GPR78: variants seen among roughly 807,000 people sequenced by gnomAD.
GPR78 encodes the protein G protein-coupled receptor 78.
In GPR78, 29 loss-of-function variants were observed where a neutral mutation model predicts 17.9. That is an observed-to-expected ratio of 1.62 (90% CI 1.20 to 2.21). The LOEUF (loss-of-function observed/expected upper bound fraction) is 2.21, where lower values mean the gene tolerates loss of function less well. Among genes scored for constraint, GPR78 ranks in the 30% most tolerant of loss-of-function variants. GPR78 has a pLI of 0.00. For missense variants in GPR78, 649 were observed against 530.5 expected, an observed-to-expected ratio of 1.22 and a Z score of -2.19; for synonymous variants, 349 against 256.9, an observed-to-expected ratio of 1.36 and a Z score of -3.43.
intron 2 of GPR78, 27 bp downstream of exon 2, chr4:8,582,671 T>C (rs1265991487): frequency 6.8e-7 from 1 of 1,465,354 alleles, no homozygotes; most frequent in Non-Finnish European, 9.6e-7. Context: ...CGGCTCCTGT[T>C]GTGGGAACAG....
rs1265537777 is a variant in GPR78, at chr4:8,587,089, C to A, written c.818C>A (p.Ala273Asp). 1.2e-6 allele frequency: 2 copies of A among 1,613,100 alleles called. No homozygotes were observed. The highest frequency in any genetic ancestry group is 3.3e-5 in the Admixed American group (2 of 60,020). Residue 273 changes from alanine (A) to aspartate (D), a missense_variant, in exon 3 of 3, where the codon GCC becomes GAC. Ala to Asp is a moderately radical substitution (Grantham distance 126). Transcript: ENST00000382487. ...CTCGTGCCCTTCGTCACCGTGAACG[C>A]CCAGTGGGGCATCCTCAGCAAGTGC... ...AELVPFVTVNAQWGILSKCLT... is the reference protein window; with the variant it reads ...AELVPFVTVNDQWGILSKCLT...
At chr4:8,583,259 T>G (rs1180670237) in intron 2 of GPR78, among the ~76,000 whole-genome samples, 2 of 152,206 alleles carry the variant, frequency 1.3e-5, no homozygotes, top group East Asian at 1.9e-4. Flanking sequence ...ACTTGGTTAC[T>G]ACCTTAGCTC....
Position 8,580,846 on chromosome 4 carries a change from TG to T in GPR78, c.-135del. On this transcript the variant is annotated 5_prime_UTR_variant, in exon 1 of 3. Transcript: ENST00000382487. Reference sequence around the variant, plus strand: ...TGCCGCCGCTTTCCTCGCGCTGCTCTGGACCTTGCTAGCCGGCTCTGCACCT... The same window carrying T: ...TGCCGCCGCTTTCCTCGCGCTGCTCTGACCTTGCTAGCCGGCTCTGCACCT... 2.4e-6 allele frequency: 2 copies of T among 849,522 alleles called. No homozygotes were observed. The highest frequency in any genetic ancestry group is 3.5e-6 in the Non-Finnish European group (2 of 567,502). The allele number at this position is 849,522 out of a possible 1,614,324, so 52.6% of individuals were successfully genotyped here.
At chr4:8,583,492 G>A (rs957005180) in intron 2 of GPR78, among the ~76,000 whole-genome samples, 3 of 152,138 alleles carry the variant, frequency 2.0e-5, no homozygotes, top group Non-Finnish European at 2.9e-5. Context: ...GACGCTCCTG[G>A]GAGGGGTCCA....
rs768492391 is a variant in GPR78, at chr4:8,581,571, C to T, written c.589C>T (p.Arg197Trp). Reference protein sequence around the residue: ...VLCLTSLQVHRVARRHCQRMD... With the variant: ...VLCLTSLQVHWVARRHCQRMD... ...CTGCCTCACCTCGCTCCAGGTGCAC[C>T]GGGTGGCACGCAGACACTGCCAGCG... is the stretch of plus-strand genomic sequence containing the variant. Residue 197 changes from arginine to tryptophan, a missense_variant, in exon 1 of 3, where the codon CGG becomes TGG. By Grantham distance (101) the Arg-to-Trp change is moderately radical (BLOSUM62 -3). Transcript: ENST00000382487. 3.2e-6 allele frequency: 5 copies of T among 1,576,214 alleles called. No homozygotes were observed. Among genetic ancestry groups the T allele is most frequent in the Admixed American group, 1.7e-5 (1 of 57,438 alleles).
In GPR78 at chr4:8,589,766, G is replaced by A. The variant is rs746742753; in HGVS notation, c.*2403G>A. On this transcript the variant is annotated 3_prime_UTR_variant, in exon 3 of 3. Transcript: ENST00000382487. ...GGGAGGCACACTGTTTCTTAGAGAC[G>A]GGGACTGCTTGCTGTCATGTTTCGC... Among the ~76,000 whole-genome samples, 3 of 152,212 alleles carry A rather than the reference G, an allele frequency of 2.0e-5. No individual in the cohort carries two copies. Among genetic ancestry groups the A allele is most frequent in the Non-Finnish European group, 2.9e-5 (2 of 68,042 alleles).
chr4:8,580,700 G>C lies in GPR78; in HGVS notation c.-283G>C, dbSNP rs1000761743. 1 of 503,218 alleles carries C rather than the reference G, an allele frequency of 2.0e-6. No individual in the cohort carries two copies. Among genetic ancestry groups the C allele is most frequent in the East Asian group, 3.4e-5 (1 of 29,588 alleles). The allele number at this position is 503,218 out of a possible 1,614,324, so 31.2% of individuals were successfully genotyped here. A position where few individuals can be genotyped will look rare whatever the true frequency, so the allele number is the denominator to read the frequency against. ...CTTCAGCCTCAGGACAGTCCTGCCG[G>C]GACGGTGAGCGCATTCAGCACCCTG... On this transcript the variant is annotated 5_prime_UTR_variant, in exon 1 of 3. Coordinates refer to ENST00000382487, the MANE Select transcript of GPR78 (RefSeq NM_080819.5).
At position 8,588,871 on chromosome 4, in the gene GPR78, T is replaced by C. The variant is rs1287338594; in HGVS notation, c.*1508T>C. On this transcript the variant is annotated 3_prime_UTR_variant, in exon 3 of 3. Coordinates refer to ENST00000382487, the MANE Select transcript of GPR78 (RefSeq NM_080819.5). ...AAACACAGGTGTTATTATTATACTT[T>C]TAAAAAACTTTTTGAGACAGGGTCT... 2.0e-5 allele frequency among the ~76,000 whole-genome samples: 3 copies of C among 152,182 alleles called. No homozygotes were observed. The highest frequency in any genetic ancestry group is 6.5e-5 in the Admixed American group (1 of 15,280).
chr4:8,581,780 T>C, intron 1 of GPR78, 130 bp downstream of exon 1: 1 of 659,864 alleles, frequency 1.5e-6, no homozygotes, highest in Non-Finnish European at 2.4e-6. Flanking sequence ...GCACTGCCCC[T>C]GCACGCTGCT....
At position 8,581,144 on chromosome 4, in the gene GPR78, G is replaced by T; in HGVS notation, c.162G>T (p.Leu54=). ...LLVNLSLGHL[L]LAALDMPFTL... is the part of the protein sequence containing the mutation. ...TGAATCTGTCTCTGGGCCACCTGCT[G>T]CTGGCGGCGCTGGACATGCCCTTCA... Residue 54 remains leucine, a synonymous_variant, in exon 1 of 3, where the codon CTG becomes CTT. Coordinates refer to ENST00000382487, the MANE Select transcript of GPR78 (RefSeq NM_080819.5). The T allele has an allele frequency of 1.2e-6, 2 of 1,604,472 alleles. No homozygotes were observed. Among genetic ancestry groups the T allele is most frequent in the Non-Finnish European group, 1.7e-6 (2 of 1,179,786 alleles).
intron 2 of GPR78, among the ~76,000 whole-genome samples, chr4:8,584,203 T>A (rs997583950): frequency 6.6e-6 from 1 of 151,220 alleles, no homozygotes; most frequent in African/African-American, 2.5e-5. Context: ...GAATGATGAG[T>A]GAGACTGGCT....
chr4:8,581,730 G>A lies in GPR78; in HGVS notation c.668+80G>A, dbSNP rs1179391111. On this transcript the variant is annotated intron_variant, in intron 1 of 2. Coordinates refer to ENST00000382487, the MANE Select transcript of GPR78 (RefSeq NM_080819.5). ...GGCAGTTGGCTTGAGGAGCCTGTGG[G>A]CATCACCACCGTTACTCCGCCCAGA... 1.6e-5 allele frequency: 17 copies of A among 1,077,772 alleles called. No homozygotes were observed. In the Admixed American group the frequency reaches 3.6e-4, roughly 23 times the overall value. 66.8% of individuals were successfully genotyped at this position (1,077,772 alleles called of 1,614,324 possible).
chr4:8,581,320 G>C lies in GPR78; in HGVS notation c.338G>C (p.Arg113Pro). Residue 113 changes from arginine to proline, a missense_variant, in exon 1 of 3, where the codon CGC (arginine) becomes CCC (proline). By Grantham distance (103) the Arg-to-Pro change is moderately radical. Coordinates refer to ENST00000382487, the MANE Select transcript of GPR78 (RefSeq NM_080819.5). ...DQWLAVGFPL[R>P]YAGRLRPRYA... ...TGGCTGGCAGTGGGCTTCCCACTGC[G>C]CTACGCCGGACGCCTGCGACCGCGC... is the stretch of plus-strand genomic sequence containing the variant. 2 of 1,579,374 alleles carry C rather than the reference G, an allele frequency of 1.3e-6. No homozygotes were observed. Among genetic ancestry groups the C allele is most frequent in the South Asian group, 2.3e-5 (2 of 88,366 alleles).
chr4:8,587,580 T>C lies in GPR78; in HGVS notation c.*217T>C. ...GGGGCTGGGCTGCCTGGCTGCTGGG[T>C]GGCCCCGGGACAGTGGCTTTTCCTC... On this transcript the variant is annotated 3_prime_UTR_variant, in exon 3 of 3. Transcript: ENST00000382487. 3.3e-6 allele frequency: 2 copies of C among 603,790 alleles called. No homozygotes were observed. Among genetic ancestry groups the C allele is most frequent in the Non-Finnish European group, 5.9e-6 (2 of 341,460 alleles). 37.4% of individuals were successfully genotyped at this position (603,790 alleles called of 1,614,324 possible).
intron 2 of GPR78, among the ~76,000 whole-genome samples, chr4:8,583,425 G>C (rs1713375934): frequency 6.6e-6 from 1 of 152,208 alleles, no homozygotes; most frequent in Admixed American, 6.5e-5. Context: ...CGCTCAGGCT[G>C]TCTGGGAGGT....
rs933508639 is a variant in GPR78 at position 8,580,764 on chromosome 4, G to A, written c.-219G>A. The A allele has an allele frequency of 1.7e-6, 1 of 574,184 alleles. No individual in the cohort carries two copies. Among genetic ancestry groups the A allele is most frequent in the East Asian group, 3.1e-5 (1 of 32,774 alleles). 35.6% of individuals were successfully genotyped at this position (574,184 alleles called of 1,614,324 possible). A position where few individuals can be genotyped will look rare whatever the true frequency, so the allele number is the denominator to read the frequency against. ...TTGCGCTGCCTCCAGGGCGGCCCCG[G>A]GCTGCTCCTGCTCCGCAGAGCTACG... is the stretch of plus-strand genomic sequence containing the variant. On this transcript the variant is annotated 5_prime_UTR_variant, in exon 1 of 3. Transcript: ENST00000382487.
At chr4:8,581,947 C>A (rs796265431) in intron 1 of GPR78, among the ~76,000 whole-genome samples, 1 of 152,140 alleles carries the variant, frequency 6.6e-6, no homozygotes, top group South Asian at 2.1e-4. Context: ...CAGACACACC[C>A]CTCCTGTGCA....
chr4:8,580,974 G>C lies in GPR78; in HGVS notation c.-9G>C. 3 of 1,560,034 alleles carry C rather than the reference G, an allele frequency of 1.9e-6. No homozygotes were observed. The highest frequency in any genetic ancestry group is 2.6e-6 in the Non-Finnish European group (3 of 1,156,052). On this transcript the variant is annotated 5_prime_UTR_variant, in exon 1 of 3. Transcript: ENST00000382487. ...AGAACCCCAGGGTGCCTGGCGAGCC[G>C]CTAGCGCCATGGGCCCCGGCGAGGC...
chr4:8,581,127 T>C lies in GPR78; in HGVS notation c.145T>C (p.Ser49Pro), dbSNP rs1285232825. Residue 49 changes from serine (S) to proline (P), a missense_variant, in exon 1 of 3, where the codon TCT (serine) becomes CCT (proline). Transcript: ENST00000382487. ...CTCAGGCGTCCTCCTGGTGAATCTG[T>C]CTCTGGGCCACCTGCTGCTGGCGGC... ...RASGVLLVNL[S>P]LGHLLLAALD... 1 of 1,605,992 alleles carries C rather than the reference T, an allele frequency of 6.2e-7. No homozygotes were observed. The highest frequency in any genetic ancestry group is 1.1e-5 in the South Asian group (1 of 90,986).
Sources: gnomAD v4.1 joint callset for allele counts (sites outside exome capture counted in the v4.1 genomes callset) on GRCh38, gnomAD v4.1.1 for gene constraint, MANE v1.5 for transcripts, NCBI Gene and HGNC (gene_info 2026-07-23, HGNC 2026-07-21) for gene names.